Variants in TDRD12 observed in about 807,000 individuals in gnomAD.
The protein encoded by TDRD12 is putative ATP-dependent RNA helicase TDRD12.
Under a neutral mutation model 133.5 loss-of-function variants are expected in TDRD12, and 158 were observed. The observed-to-expected ratio is 1.18, with a 90% CI of 1.04 to 1.35. The LOEUF is 1.35. Among genes scored for constraint, TDRD12 ranks in the 40% most tolerant of loss-of-function variants. TDRD12 has a pLI of 0.00. For synonymous variants in TDRD12, 460 were observed against 477.9 expected (o/e 0.96, Z 0.49); for missense variants, 1,443 against 1,321.3 (o/e 1.09, Z -1.43).
chr19:32,783,395 C>T (rs925072261), intron 11 of TDRD12, among the ~76,000 whole-genome samples: 7 of 152,168 alleles, frequency 4.6e-5, no homozygotes, highest in East Asian at 1.9e-4. Context: ...AGTCAGGTAG[C>T]GTGATGCCTC....
intron 5 of TDRD12, 22 bp downstream of exon 5, chr19:32,748,553 G>A: frequency 6.5e-7 from 1 of 1,545,806 alleles, no homozygotes; most frequent in Non-Finnish European, 8.7e-7. Context: ...CCTGATCACT[G>A]CAGCCTGCCT....
rs540274367 is a variant in TDRD12 at position 32,813,965 on chromosome 19, G to C, written c.3141+189G>C. 8.5e-5 allele frequency among the ~76,000 whole-genome samples: 13 copies of C among 152,250 alleles called. No homozygotes were observed. In the South Asian group the frequency reaches 2.7e-3, roughly 32 times the overall value. On this transcript the variant is annotated intron_variant, in intron 25 of 27. Coordinates refer to ENST00000444215, the Ensembl canonical transcript of TDRD12. ...GTTGTGGGTTTAGTTTTTGTTCAGG[G>C]GAATATTTTACATTGTAACCCCAGC...
At chr19:32,734,386 T>G (rs1247169103) in intron 2 of TDRD12, among the ~76,000 whole-genome samples, 1 of 151,560 alleles carries the variant, frequency 6.6e-6, no homozygotes, top group Non-Finnish European at 1.5e-5. Context: ...TTTTTTTTTT[T>G]GAAGATGGGG....
At chr19:32,788,483 C>T in intron 11 of TDRD12, among the ~76,000 whole-genome samples, 1 of 152,190 alleles carries the variant, frequency 6.6e-6, no homozygotes, top group Middle Eastern at 3.4e-3. Flanking sequence ...TTTCTAATAT[C>T]ACGTTTTTAA....
intron 11 of TDRD12, among the ~76,000 whole-genome samples, chr19:32,782,620 C>T (rs1357322256): frequency 6.6e-6 from 1 of 152,228 alleles, no homozygotes; most frequent in African/African-American, 2.4e-5. Context: ...ACATCCTCTC[C>T]AGCGTCTGTT....
At chr19:32,795,641 T>C (rs1259304255) in intron 14 of TDRD12, among the ~76,000 whole-genome samples, 1 of 152,174 alleles carries the variant, frequency 6.6e-6, no homozygotes, top group Non-Finnish European at 1.5e-5. Flanking sequence ...AACCTCAGAA[T>C]AACTGTATTA....
At chr19:32,794,110 T>C (rs1971151331) in intron 13 of TDRD12, among the ~76,000 whole-genome samples, 1 of 127,450 alleles carries the variant, frequency 7.8e-6, no homozygotes, top group Admixed American at 7.9e-5. Flanking sequence ...TTTTTTTTTT[T>C]TTTTTTTTTT....
At chr19:32,826,861 G>A (rs1376354866) in intron 9 of TDRD12, 112 bp downstream of exon 32, 1 of 659,436 alleles carries the variant, frequency 1.5e-6, no homozygotes, top group African/African-American at 1.9e-5. Context: ...TTCATGTCAA[G>A]CCCTGAGAAA....
downstream of TDRD12, among the ~76,000 whole-genome samples, chr19:32,822,553 G>A (rs528280047): frequency 5.9e-5 from 9 of 152,210 alleles, no homozygotes; most frequent in Non-Finnish European, 1.0e-4. Flanking sequence ...CGAGACCATC[G>A]TGGCTAACAC....
rs1304439377 is a variant in TDRD12, at chr19:32,729,214, T to C, written c.25-2511T>C. Among the ~76,000 whole-genome samples, 42 of 147,370 alleles carry C rather than the reference T, an allele frequency of 2.8e-4. No homozygotes were observed. The East Asian group carries it at 6.0e-3, about 21-fold the overall frequency. On this transcript the variant is annotated intron_variant, in intron 1 of 27. Coordinates refer to ENST00000444215, the Ensembl canonical transcript of TDRD12. The stretch of plus-strand genomic sequence containing the variant: ...GTGACTGCTTTTTCTTTTTCTTTTT[T>C]TTTTTTGTTTTTTTTTTTTGTGAGA...
chr19:32,807,626 T>C (rs1472772746), exon 22 of TDRD12: 3 of 1,535,280 alleles, frequency 2.0e-6, no homozygotes, highest in African/African-American at 1.4e-5. Context: ...AGCCAAGCCC[T>C]ACCTTCATTT....
At chr19:32,818,994 G>A (rs1967285868) in intron 27 of TDRD12, among the ~76,000 whole-genome samples, 1 of 152,054 alleles carries the variant, frequency 6.6e-6, no homozygotes, top group Non-Finnish European at 1.5e-5. Context: ...GACCTTGAGA[G>A]ATTCCTAAGT....
At position 32,748,437 on chromosome 19, in the gene TDRD12, A is replaced by G. The variant is rs1223971734; in HGVS notation, c.441-39A>G. The G allele has an allele frequency of 5.8e-6, 9 of 1,542,878 alleles. No homozygotes were observed. In the Admixed American group the frequency reaches 1.4e-4, roughly 24 times the overall value. On this transcript the variant is annotated intron_variant, in intron 4 of 27. Transcript: ENST00000444215. ...AATGCTGTTGGTGTGCTAGCCTCAG[A>G]TTTTTATGTAATGGAGTTGCATCTG...
chr19:32,822,033 A>G (rs577175244), downstream of TDRD12, among the ~76,000 whole-genome samples: 41 of 152,300 alleles, frequency 2.7e-4, no homozygotes, highest in South Asian at 6.2e-4. Context: ...AGGTGGGAGG[A>G]TCAATTGAAC....
chr19:32,724,026 TA>T (rs543008151), intron 1 of TDRD12, among the ~76,000 whole-genome samples: 1 of 152,088 alleles, frequency 6.6e-6, no homozygotes, highest in East Asian at 1.9e-4. Context: ...CCTGGTTAAT[TA>T]AAAAAAATTT....
chr19:32,797,562 G>A (rs959130093), intron 14 of TDRD12, among the ~76,000 whole-genome samples, 173 bp from the exon 15 acceptor site: 2 of 152,214 alleles, frequency 1.3e-5, no homozygotes, highest in African/African-American at 4.8e-5. Flanking sequence ...ATGACTCAAT[G>A]TGTCTAAATC....
At chr19:32,766,882 T>A (rs1239628816) in intron 8 of TDRD12, among the ~76,000 whole-genome samples, 1 of 152,088 alleles carries the variant, frequency 6.6e-6, no homozygotes, top group Non-Finnish European at 1.5e-5. Context: ...CCCAAAGTGC[T>A]GGGATTACAG....
chr19:32,762,782 T>C (rs12463124), intron 8 of TDRD12, among the ~76,000 whole-genome samples: 5,735 of 152,282 alleles, frequency 0.038, 219 homozygotes, highest in East Asian at 0.23. Flanking sequence ...TACAGTCATG[T>C]GTTGCTTACT....
chr19:32,767,798 GA>G (rs753385344), intron 8 of TDRD12, among the ~76,000 whole-genome samples: 15 of 152,186 alleles, frequency 9.9e-5, no homozygotes, highest in Admixed American at 5.2e-4. Context: ...AGGTCTGGGA[GA>G]GGTTGTCCTC....
Sources: gnomAD v4.1 joint callset for allele counts (sites outside exome capture counted in the v4.1 genomes callset) on GRCh38, gnomAD v4.1.1 for gene constraint, MANE v1.5 for transcripts, NCBI Gene and HGNC (gene_info 2026-07-23, HGNC 2026-07-21) for gene names.